Variants in NLGN1 observed in about 807,000 individuals in gnomAD.
NLGN1 encodes neuroligin-1.
Under a neutral mutation model 65.5 loss-of-function variants are expected in NLGN1, and 12 were observed. The observed-to-expected ratio is 0.18, with a 90% CI of 0.12 to 0.30. The LOEUF (loss-of-function observed/expected upper bound fraction) is 0.30, where lower values mean the gene tolerates loss of function less well. Among genes scored for constraint, NLGN1 ranks in the 10% least tolerant of loss-of-function variants. The pLI, the probability that NLGN1 is intolerant of heterozygous loss-of-function variation, is 1.00. For synonymous variants in NLGN1, 350 were observed against 359.5 expected (o/e 0.97, Z 0.30); for missense variants, 750 against 1,007.1 (o/e 0.74, Z 3.46).
downstream of NLGN1, among the ~76,000 whole-genome samples, chr3:174,289,660 C>T (rs574530890): frequency 4.0e-5 from 6 of 150,964 alleles, no homozygotes; most frequent in African/African-American, 1.4e-4. Context: ...TGAATTTAGG[C>T]CAGTCAAGTG....
chr3:173,864,528 CA>C (rs1729751200), intron 4 of NLGN1, among the ~76,000 whole-genome samples: 1 of 152,186 alleles, frequency 6.6e-6, no homozygotes, highest in African/African-American at 2.4e-5. Context: ...ATCTTTAACA[CA>C]GTAATAAAAC....
chr3:173,762,626 T>C lies in NLGN1; in HGVS notation c.494-45054T>C, dbSNP rs1308263178. On this transcript the variant is annotated intron_variant, in intron 3 of 6. Transcript: ENST00000457714. ...GAGCCTACCTAAGGCATTCTCTAGT[T>C]ATGGTATACATTATTAACTGTTATA... is the stretch of plus-strand genomic sequence containing the variant. Among the ~76,000 whole-genome samples, 4 of 152,052 alleles carry C rather than the reference T, an allele frequency of 2.6e-5. No homozygotes were observed. In the East Asian group the frequency reaches 7.7e-4, roughly 29 times the overall value.
chr3:173,431,448 CTTTTTA>C (rs750340779), intron 1 of NLGN1, among the ~76,000 whole-genome samples: 2 of 151,950 alleles, frequency 1.3e-5, no homozygotes, highest in Admixed American at 6.6e-5. Flanking sequence ...ACATATATAA[CTTTTTA>C]TTTGTATGAA....
rs74790023 is a variant in NLGN1 at position 174,206,843 on chromosome 3, A to G, written c.647-68472A>G. On this transcript the variant is annotated intron_variant, in intron 4 of 6. Transcript: ENST00000457714. ...GGGTGTGCCTTTGTTTACCCAGCAA[A>G]ACCCAGCGCAGGGTCTGGCAAAATG... Among the ~76,000 whole-genome samples the G allele has an allele frequency of 5.8e-3, 890 of 152,194 alleles. 21 individuals carry two copies. Among genetic ancestry groups the G allele is most frequent in the East Asian group, 0.029 (151 of 5,156 alleles).
intron 5 of NLGN1, among the ~76,000 whole-genome samples, 169 bp downstream of exon 5, chr3:174,275,696 A>G (rs1308067506): frequency 1.3e-5 from 2 of 151,814 alleles, no homozygotes; most frequent in African/African-American, 2.4e-5. Flanking sequence ...ATTTTCGTCA[A>G]ACTCTTTTCT....
Position 173,508,054 on chromosome 3 carries a change from A to C in NLGN1, c.-321+72976A>C, listed in dbSNP as rs567203830. On this transcript the variant is annotated intron_variant, in intron 2 of 6. Transcript: ENST00000457714. ...GTGTTGTAAATGCTGTCTTCAGGACAACTGAATACTTGGTGTTTTTTCCTA... is the reference window on the plus strand; with the variant it reads ...GTGTTGTAAATGCTGTCTTCAGGACCACTGAATACTTGGTGTTTTTTCCTA... 1.1e-4 allele frequency among the ~76,000 whole-genome samples: 17 copies of C among 152,300 alleles called. No individual in the cohort carries two copies. The South Asian group carries it at 2.5e-3, about 22-fold the overall frequency.
At chr3:173,807,240 G>A (rs1716861731) in intron 3 of NLGN1, among the ~76,000 whole-genome samples, 1 of 152,118 alleles carries the variant, frequency 6.6e-6, no homozygotes. Flanking sequence ...CAGTACATAA[G>A]AAAGGTTAAA....
chr3:173,655,194 A>G (rs1759814085), intron 3 of NLGN1, among the ~76,000 whole-genome samples: 1 of 152,178 alleles, frequency 6.6e-6, no homozygotes, highest in African/African-American at 2.4e-5. Context: ...GAAAAAAGGA[A>G]AAAATAGAGC....
intron 4 of NLGN1, among the ~76,000 whole-genome samples, chr3:174,049,113 G>A (rs1734245412): frequency 6.6e-6 from 1 of 152,046 alleles, no homozygotes; most frequent in African/African-American, 2.4e-5. Context: ...AAGGGAGGAG[G>A]AGTAAAGTAT....
At chr3:173,625,265 T>A (rs564459990) in intron 3 of NLGN1, among the ~76,000 whole-genome samples, 1 of 152,182 alleles carries the variant, frequency 6.6e-6, no homozygotes, top group African/African-American at 2.4e-5. Context: ...TTTCATGATG[T>A]GTATTTTAGA....
At chr3:173,781,284 CT>C (rs1781118141) in intron 3 of NLGN1, among the ~76,000 whole-genome samples, 1 of 151,956 alleles carries the variant, frequency 6.6e-6, no homozygotes, top group African/African-American at 2.4e-5. Flanking sequence ...CAGGAAATAT[CT>C]GTGTATATTT....
intron 3 of NLGN1, among the ~76,000 whole-genome samples, chr3:173,804,326 A>C (rs548233272): frequency 1.3e-5 from 2 of 152,246 alleles, no homozygotes; most frequent in African/African-American, 2.4e-5. Flanking sequence ...TGATTTTAGT[A>C]AAGTCAGTAG....
chr3:173,657,963 G>A (rs1024454946), intron 3 of NLGN1, among the ~76,000 whole-genome samples: 7 of 151,794 alleles, frequency 4.6e-5, no homozygotes, highest in African/African-American at 1.7e-4. Context: ...AAGTTTGTAA[G>A]TGCATGGTGA....
intron 4 of NLGN1, among the ~76,000 whole-genome samples, chr3:173,924,212 A>AG (rs1328141358): frequency 3.3e-5 from 5 of 152,132 alleles, no homozygotes; most frequent in African/African-American, 1.2e-4. Context: ...AACCTGAAAG[A>AG]GATATATTAA....
rs73880575 is a variant in NLGN1 at position 173,769,602 on chromosome 3, A to G, written c.494-38078A>G. Among the ~76,000 whole-genome samples the G allele has an allele frequency of 7.4e-3, 1,123 of 152,302 alleles. 14 individuals are homozygous for G. Among genetic ancestry groups the G allele is most frequent in the African/African-American group, 0.026 (1,082 of 41,584 alleles). ...GCTTATCTCTTTGAAAGGTGTGTCT[A>G]TGTCTCAAGAACCTTTTTATTTATG... On this transcript the variant is annotated intron_variant, in intron 3 of 6. Transcript: ENST00000457714.
At chr3:174,004,259 G>T (rs1357737367) in intron 4 of NLGN1, among the ~76,000 whole-genome samples, 2 of 152,074 alleles carry the variant, frequency 1.3e-5, no homozygotes, top group African/African-American at 4.8e-5. Context: ...CAAACTATCA[G>T]ATAATTTCCC....
chr3:173,853,147 T>C (rs979363720), intron 4 of NLGN1, among the ~76,000 whole-genome samples: 1 of 152,180 alleles, frequency 6.6e-6, no homozygotes, highest in Non-Finnish European at 1.5e-5. Context: ...TCTTTAGACT[T>C]CTCAGGTTTT....
At chr3:174,225,162 C>T (rs888079646) in intron 4 of NLGN1, among the ~76,000 whole-genome samples, 2 of 152,124 alleles carry the variant, frequency 1.3e-5, no homozygotes, top group African/African-American at 4.8e-5. Context: ...CACGAAATCC[C>T]AATACCAAAG....
At chr3:173,678,627 C>A (rs1763505134) in intron 3 of NLGN1, among the ~76,000 whole-genome samples, 2 of 152,046 alleles carry the variant, frequency 1.3e-5, no homozygotes, top group Admixed American at 1.3e-4. Flanking sequence ...GTTGAAGAAG[C>A]AGCTGAAGAC....
Sources: gnomAD v4.1 joint callset for allele counts (sites outside exome capture counted in the v4.1 genomes callset) on GRCh38, gnomAD v4.1.1 for gene constraint, MANE v1.5 for transcripts, NCBI Gene and HGNC (gene_info 2026-07-23, HGNC 2026-07-21) for gene names.